ARID1B: variants seen among roughly 807,000 people sequenced by gnomAD.
ARID1B encodes AT-rich interaction domain 1B, also known as AT-rich interactive domain-containing protein 1B.
Under a neutral mutation model 212.3 loss-of-function variants are expected in ARID1B, and 30 were observed. The observed-to-expected ratio is 0.14, with a 90% CI of 0.11 to 0.19. The LOEUF is 0.19. ARID1B is among the 10% of genes least tolerant of loss of function. The pLI, the probability that ARID1B is intolerant of heterozygous loss-of-function variation, is 1.00. For synonymous variants in ARID1B, 1,402 were observed against 1,301.7 expected (o/e 1.08, Z -1.66); for missense variants, 2,891 against 3,204.0 (o/e 0.90, Z 2.36).
intron 4 of ARID1B, among the ~76,000 whole-genome samples, chr6:156,951,343 GAAT>G (rs1456004705): frequency 1.3e-5 from 2 of 152,148 alleles, no homozygotes; most frequent in Non-Finnish European, 2.9e-5. Flanking sequence ...AGTTACTGAT[GAAT>G]AATGATTAAA....
At chr6:156,938,915 C>G (rs1792463525) in intron 4 of ARID1B, 1 of 152,202 alleles carries the variant, frequency 6.6e-6, no homozygotes, top group Non-Finnish European at 1.5e-5. Context: ...CTTAGATAGA[C>G]CTTCACATCA....
intron 2 of ARID1B, among the ~76,000 whole-genome samples, chr6:156,880,956 G>A (rs545174178): frequency 7.0e-6 from 1 of 142,754 alleles, no homozygotes; most frequent in South Asian, 2.1e-4. Context: ...CACTTTTGTG[G>A]CTGTAAAGTA....
chr6:156,893,989 C>G (rs571214265), intron 2 of ARID1B, among the ~76,000 whole-genome samples: 55 of 152,152 alleles, frequency 3.6e-4, no homozygotes, highest in African/African-American at 1.3e-3. Flanking sequence ...TTTGTAAACC[C>G]CTATTCAGAG....
chr6:156,957,915 G>A (rs1794087836), intron 4 of ARID1B, among the ~76,000 whole-genome samples: 2 of 152,140 alleles, frequency 1.3e-5, no homozygotes, highest in Admixed American at 1.3e-4. Context: ...TCTGTATTCT[G>A]CTAGGGAATC....
intron 6 of ARID1B, among the ~76,000 whole-genome samples, chr6:157,132,593 G>A (rs1228204269): frequency 6.6e-6 from 1 of 152,202 alleles, no homozygotes; most frequent in Admixed American, 6.5e-5. Context: ...TGGGATCTTT[G>A]ACCAGAGAGC....
intron 4 of ARID1B, chr6:156,985,488 G>A (rs1777866687): frequency 6.6e-6 from 1 of 152,160 alleles, no homozygotes; most frequent in Non-Finnish European, 1.5e-5. Context: ...ATTGACACAC[G>A]TTTAAACATT....
chr6:156,819,543 CTAA>C (rs1478671726), intron 1 of ARID1B, among the ~76,000 whole-genome samples: 1 of 152,160 alleles, frequency 6.6e-6, no homozygotes, highest in Non-Finnish European at 1.5e-5. Flanking sequence ...GGGGATGAAG[CTAA>C]TAATAGGTTT....
At chr6:156,949,259 G>A (rs1465639046) in intron 4 of ARID1B, among the ~76,000 whole-genome samples, 1 of 150,334 alleles carries the variant, frequency 6.7e-6, no homozygotes, top group Non-Finnish European at 1.5e-5. Context: ...TATAATTCTG[G>A]CCTGTTTTAG....
At chr6:156,981,073 G>GTAT (rs2128376280) in intron 4 of ARID1B, among the ~76,000 whole-genome samples, 1 of 152,308 alleles carries the variant, frequency 6.6e-6, no homozygotes, top group South Asian at 2.1e-4. Context: ...AACTGGAAAG[G>GTAT]TATTTCATTT....
At chr6:157,118,213 A>G (rs1787459612) in intron 6 of ARID1B, among the ~76,000 whole-genome samples, 1 of 152,198 alleles carries the variant, frequency 6.6e-6, no homozygotes, top group East Asian at 1.9e-4. Context: ...GATAATTGTT[A>G]AGGAGTTGGA....
intron 16 of ARID1B, 73 bp downstream of exon 16, chr6:157,196,388 C>A (rs2128358368): frequency 6.6e-7 from 1 of 1,521,638 alleles, no homozygotes; most frequent in Non-Finnish European, 8.8e-7. Flanking sequence ...CATTTCTGAG[C>A]CCTGGCAGCT....
chr6:156,930,020 C>G lies in ARID1B; in HGVS notation c.2137-5446C>G, dbSNP rs543457311. Among the ~76,000 whole-genome samples the G allele has an allele frequency of 2.0e-5, 3 of 152,038 alleles. No individual in the cohort carries two copies. In the East Asian group the frequency reaches 5.8e-4, roughly 29 times the overall value. On this transcript the variant is annotated intron_variant, in intron 3 of 19. Coordinates refer to ENST00000636930, the MANE Select transcript of ARID1B (RefSeq NM_001374828.1). ...CACCTGGAGTAAGTTTTGTTCTATT[C>G]CAGAATGATGGACTGTAAGTGTAAA...
intron 7 of ARID1B, among the ~76,000 whole-genome samples, chr6:157,144,067 CA>C (rs1419563639): frequency 6.6e-6 from 1 of 152,216 alleles, no homozygotes; most frequent in African/African-American, 2.4e-5. Context: ...CCGAACTGGG[CA>C]AAGCTATTGA....
chr6:157,082,071 A>G (rs1196130302), intron 4 of ARID1B, among the ~76,000 whole-genome samples: 1 of 152,080 alleles, frequency 6.6e-6, no homozygotes, highest in Non-Finnish European at 1.5e-5. Flanking sequence ...CTGGGTTTTT[A>G]TGATCCCTTC....
At chr6:156,783,553 T>C (rs1372181006) in intron 1 of ARID1B, among the ~76,000 whole-genome samples, 1 of 152,210 alleles carries the variant, frequency 6.6e-6, no homozygotes, top group Non-Finnish European at 1.5e-5. Flanking sequence ...TCTAAAAAGA[T>C]GACTTCTGAT....
At chr6:156,929,696 G>A (rs1478218550) in intron 3 of ARID1B, among the ~76,000 whole-genome samples, 1 of 152,132 alleles carries the variant, frequency 6.6e-6, no homozygotes, top group Admixed American at 6.5e-5. Flanking sequence ...TAAATAACAT[G>A]ACAGTTATCA....
At chr6:157,020,963 A>C (rs1163977055) in intron 4 of ARID1B, among the ~76,000 whole-genome samples, 1 of 152,232 alleles carries the variant, frequency 6.6e-6, no homozygotes, top group Non-Finnish European at 1.5e-5. Context: ...TTCGATAAAG[A>C]AATGAGAAAT....
At chr6:156,865,014 G>C (rs979483628) in intron 2 of ARID1B, among the ~76,000 whole-genome samples, 1 of 152,054 alleles carries the variant, frequency 6.6e-6, no homozygotes, top group Non-Finnish European at 1.5e-5. Flanking sequence ...GTCTCTCCTT[G>C]TAAGATGTTT....
rs899065923 is a variant in ARID1B at position 157,134,776 on chromosome 6, C to T, written c.2761+1569C>T. ...GAGAGCTTAGTGGCAGTTGGAAAAA[C>T]GGTTTGTAACTTGTGGTAGGCACAG... On this transcript the variant is annotated intron_variant, in intron 7 of 19. Transcript: ENST00000636930. 1.4e-4 allele frequency among the ~76,000 whole-genome samples: 22 copies of T among 152,232 alleles called. No individual in the cohort carries two copies. The East Asian group carries it at 1.5e-3, about 11-fold the overall frequency.
Sources: gnomAD v4.1 joint callset for allele counts (sites outside exome capture counted in the v4.1 genomes callset) on GRCh38, gnomAD v4.1.1 for gene constraint, MANE v1.5 for transcripts, NCBI Gene and HGNC (gene_info 2026-07-23, HGNC 2026-07-21) for gene names.